Variants in ZFYVE9 observed in about 807,000 individuals in gnomAD.
The protein encoded by ZFYVE9 is zinc finger FYVE-type containing 9, also known as zinc finger FYVE domain-containing protein 9.
A neutral mutation model predicts 126.7 loss-of-function variants in ZFYVE9; 43 were observed. The observed-to-expected ratio is 0.34, with a 90% CI of 0.27 to 0.44. The LOEUF is 0.44. ZFYVE9 is among the 20% of genes least tolerant of loss of function. The pLI is 1.00. For missense variants in ZFYVE9, 1,476 were observed against 1,697.0 expected, an observed-to-expected ratio of 0.87 and a Z score of 2.29; for synonymous variants, 521 against 597.4, an observed-to-expected ratio of 0.87 and a Z score of 1.87.
chr1:52,318,956 G>A (rs1256684417), intron 13 of ZFYVE9, among the ~76,000 whole-genome samples: 1 of 152,106 alleles, frequency 6.6e-6, no homozygotes, highest in Non-Finnish European at 1.5e-5. Flanking sequence ...AATTAGCCAG[G>A]TGTCATGGCA....
rs969730602 is a variant in ZFYVE9, at chr1:52,337,829, G to A, written c.3728G>A (p.Arg1243Gln). The A allele has an allele frequency of 4.3e-6, 7 of 1,614,246 alleles. No homozygotes were observed. The highest frequency in any genetic ancestry group is 5.1e-6 in the Non-Finnish European group (6 of 1,180,040). The change falls in exon 16 of 19, where the codon CGA becomes CAA. Residue 1243 changes from arginine (R) to glutamine (Q), a missense_variant. Arg to Gln is a conservative substitution (Grantham distance 43). Around this residue, in one of 2 missense-constraint regions of ZFYVE9, gnomAD observed 669 missense variants for 902.4 expected, o/e 0.74. Transcript: ENST00000287727. The stretch of plus-strand genomic sequence containing the variant: ...ATGGATTCCTTGAGGCAGGCACTGC[G>A]AGAGATGAAGGACTTCACCATCACC... ...ENMDSLRQAL[R>Q]EMKDFTITCG... is the part of the protein sequence containing the mutation.
chr1:52,253,974 C>T, intron 4 of ZFYVE9: 1 of 813,934 alleles, frequency 1.2e-6, no homozygotes, highest in Non-Finnish European at 2.2e-6. Context: ...AACCAAGTGG[C>T]TGGATTCATA....
intron 13 of ZFYVE9, among the ~76,000 whole-genome samples, chr1:52,322,369 G>GGTCTT (rs1212157110): frequency 2.7e-5 from 4 of 147,900 alleles, no homozygotes; most frequent in African/African-American, 1.0e-4. Flanking sequence ...CAGCCTAAGT[G>GGTCTT]GTCTTTTCTT....
chr1:52,202,618 CTT>C (rs943866321), intron 1 of ZFYVE9, among the ~76,000 whole-genome samples: 5 of 151,740 alleles, frequency 3.3e-5, no homozygotes, highest in African/African-American at 4.9e-5. Context: ...CAGTCTGTGT[CTT>C]TTCATTGGTG....
chr1:52,241,318 T>C (rs1645331767), intron 4 of ZFYVE9, among the ~76,000 whole-genome samples: 1 of 152,212 alleles, frequency 6.6e-6, no homozygotes, highest in Non-Finnish European at 1.5e-5. Context: ...AAGCTGACAC[T>C]GGGCTTGTTG....
intron 14 of ZFYVE9, among the ~76,000 whole-genome samples, chr1:52,333,520 G>A (rs749040065): frequency 2.6e-4 from 40 of 152,132 alleles, no homozygotes; most frequent in Non-Finnish European, 4.6e-4. Flanking sequence ...GCATTTTAAC[G>A]AGATCTCTGT....
chr1:52,161,556 G>A (rs572568520), intron 1 of ZFYVE9, among the ~76,000 whole-genome samples: 42 of 152,254 alleles, frequency 2.8e-4, no homozygotes, highest in Middle Eastern at 3.4e-3. Context: ...CTCCCAAAGT[G>A]CTAGGATTAC....
chr1:52,160,373 T>C (rs1290595270), intron 1 of ZFYVE9: 13 of 1,152,286 alleles, frequency 1.1e-5, no homozygotes, highest in Non-Finnish European at 1.6e-5. Context: ...TTTTATCTTT[T>C]TGGACATATA....
intron 4 of ZFYVE9, among the ~76,000 whole-genome samples, chr1:52,249,643 AC>A (rs1255875139): frequency 6.6e-6 from 1 of 152,090 alleles, no homozygotes; most frequent in Non-Finnish European, 1.5e-5. Flanking sequence ...ACTCCAACTT[AC>A]ATTTTCTTTT....
intron 1 of ZFYVE9, among the ~76,000 whole-genome samples, chr1:52,152,135 A>G (rs1270699299): frequency 1.3e-5 from 2 of 152,020 alleles, no homozygotes; most frequent in Non-Finnish European, 2.9e-5. Context: ...GATTACAGGC[A>G]TGCACCACCA....
intron 4 of ZFYVE9, among the ~76,000 whole-genome samples, chr1:52,254,435 A>G (rs1412316635): frequency 1.3e-5 from 2 of 151,522 alleles, no homozygotes; most frequent in African/African-American, 4.8e-5. Flanking sequence ...ACACCTGTAA[A>G]TCCTAGCACT....
chr1:52,292,469 CTTTTTTTTTTT>C (rs1159852399), intron 10 of ZFYVE9, among the ~76,000 whole-genome samples: 2 of 102,036 alleles, frequency 2.0e-5, no homozygotes, highest in African/African-American at 4.1e-5. Context: ...CTGAACATTT[CTTTTTTTTTTT>C]TTTTTTTTTT....
intron 9 of ZFYVE9, among the ~76,000 whole-genome samples, chr1:52,280,165 C>G (rs1645787600): frequency 6.6e-6 from 1 of 150,562 alleles, no homozygotes; most frequent in Admixed American, 6.6e-5. Flanking sequence ...TCACTTGAGC[C>G]CAGGAGTTCG....
At chr1:52,264,557 G>T (rs1400703275) in intron 5 of ZFYVE9, among the ~76,000 whole-genome samples, 4 of 152,088 alleles carry the variant, frequency 2.6e-5, no homozygotes, top group Admixed American at 2.0e-4. Context: ...CTTGTAAAAA[G>T]ATACACTAAA....
intron 17 of ZFYVE9, among the ~76,000 whole-genome samples, chr1:52,342,837 T>G (rs970805628): frequency 6.6e-6 from 1 of 150,922 alleles, no homozygotes; most frequent in Non-Finnish European, 1.5e-5. Flanking sequence ...CGGCCTTATA[T>G]TTTGCCTTTA....
chr1:52,280,097 C>T (rs1270655392), intron 9 of ZFYVE9, among the ~76,000 whole-genome samples: 1 of 151,736 alleles, frequency 6.6e-6, no homozygotes, highest in Non-Finnish European at 1.5e-5. Flanking sequence ...TAACCTAAGA[C>T]CAGGCACCAT....
chr1:52,310,854 A>G (rs1485785843), intron 13 of ZFYVE9, among the ~76,000 whole-genome samples: 1 of 152,142 alleles, frequency 6.6e-6, no homozygotes, highest in East Asian at 1.9e-4. Flanking sequence ...ATATGTGACT[A>G]GTTTTTTGTT....
rs546269483 is a variant in ZFYVE9, at chr1:52,288,689, G to A, written c.3026-4764G>A. 3.3e-5 allele frequency among the ~76,000 whole-genome samples: 5 copies of A among 152,170 alleles called. No homozygotes were observed. In the South Asian group the frequency reaches 1.0e-3, roughly 32 times the overall value. On this transcript the variant is annotated intron_variant, in intron 10 of 18. Transcript: ENST00000287727. ...TAATCCCAACACTTTGGGAAGCCGA[G>A]GCAGGCAGGCAGATCACTTGAGGTC...
intron 2 of ZFYVE9, among the ~76,000 whole-genome samples, chr1:52,225,057 C>T (rs188740712): frequency 5.3e-5 from 8 of 152,270 alleles, no homozygotes; most frequent in East Asian, 1.9e-4. Context: ...ACACTCGCTT[C>T]GCACCCAATG....
Sources: allele counts gnomAD v4.1 joint callset (sites outside exome capture counted in the v4.1 genomes callset), GRCh38; gene constraint gnomAD v4.1.1; regional missense constraint gnomAD v4.1.1; transcripts MANE v1.5; gene names NCBI Gene and HGNC (gene_info 2026-07-23, HGNC 2026-07-21).